FGF14: variants seen among roughly 807,000 people sequenced by gnomAD.
FGF14 encodes the protein fibroblast growth factor homologous factor 4.
In FGF14, 5 loss-of-function variants were observed where a neutral mutation model predicts 25.5. That is an observed-to-expected ratio of 0.20 (90% CI 0.10 to 0.41). FGF14 has a LOEUF of 0.41. Ranked by LOEUF, FGF14 falls within the 10% of genes least tolerant of loss-of-function variation. The pLI, the probability that FGF14 is intolerant of heterozygous loss-of-function variation, is 1.00. For synonymous variants in FGF14, 138 were observed against 118.3 expected (o/e 1.17, Z -1.08); for missense variants, 222 against 320.1 (o/e 0.69, Z 2.34).
intron 1 of FGF14, among the ~76,000 whole-genome samples, chr13:102,325,186 G>A (rs2056384307): frequency 6.6e-6 from 1 of 151,482 alleles, no homozygotes; most frequent in Non-Finnish European, 1.5e-5. Context: ...AGGCATAAAG[G>A]ATCCCAAAGG....
intron 3 of FGF14, among the ~76,000 whole-genome samples, chr13:101,742,423 T>C (rs1306790322): frequency 1.3e-5 from 2 of 152,194 alleles, no homozygotes; most frequent in Non-Finnish European, 2.9e-5. Flanking sequence ...TGGTTAACCC[T>C]AAGCATAGTG....
intron 3 of FGF14, among the ~76,000 whole-genome samples, chr13:101,780,697 C>A (rs2039435764): frequency 6.6e-6 from 1 of 152,004 alleles, no homozygotes; most frequent in Non-Finnish European, 1.5e-5. Context: ...ACCTTTAAAA[C>A]TGATTTTTCC....
At chr13:101,988,384 C>T (rs1353774028) in intron 1 of FGF14, among the ~76,000 whole-genome samples, 2 of 151,964 alleles carry the variant, frequency 1.3e-5, no homozygotes, top group East Asian at 1.9e-4. Context: ...CACTATGTTC[C>T]GATCTATTCA....
chr13:102,070,646 GATGA>G (rs557753991), intron 1 of FGF14, among the ~76,000 whole-genome samples: 17 of 152,294 alleles, frequency 1.1e-4, no homozygotes, highest in East Asian at 9.6e-4. Flanking sequence ...TCCATCATCA[GATGA>G]ATGAAGAAAA....
At chr13:102,237,684 C>A (rs1251131310) in intron 1 of FGF14, among the ~76,000 whole-genome samples, 1 of 151,554 alleles carries the variant, frequency 6.6e-6, no homozygotes, top group African/African-American at 2.4e-5. Flanking sequence ...AAATTAAATA[C>A]ATTTCTAAAA....
chr13:102,361,153 T>G (rs970659372), intron 1 of FGF14, among the ~76,000 whole-genome samples: 1 of 152,196 alleles, frequency 6.6e-6, no homozygotes, highest in African/African-American at 2.4e-5. Flanking sequence ...TGCTCTTTTT[T>G]GAGCATCTCA....
chr13:101,769,090 A>G (rs1377435187), intron 3 of FGF14, among the ~76,000 whole-genome samples: 1 of 152,184 alleles, frequency 6.6e-6, no homozygotes, highest in Non-Finnish European at 1.5e-5. Flanking sequence ...ATATACAAAT[A>G]TCTCTTAAAG....
At chr13:102,162,580 A>G (rs775053801) in intron 1 of FGF14, among the ~76,000 whole-genome samples, 1 of 152,228 alleles carries the variant, frequency 6.6e-6, no homozygotes, top group Admixed American at 6.5e-5. Flanking sequence ...TAATATTACT[A>G]CTATCATATG....
chr13:101,938,316 C>T (rs2493590), intron 1 of FGF14, among the ~76,000 whole-genome samples: 50,242 of 152,192 alleles, frequency 0.33, 11,873 homozygotes, highest in African/African-American at 0.65. Flanking sequence ...AGAGGGCTGT[C>T]TGTCATGTGT....
intron 1 of FGF14, among the ~76,000 whole-genome samples, chr13:102,388,457 A>T (rs961782129): frequency 2.0e-5 from 3 of 152,210 alleles, no homozygotes; most frequent in Non-Finnish European, 4.4e-5. Flanking sequence ...CCAAAAGTCG[A>T]TGGAGGCCAC....
intron 1 of FGF14, among the ~76,000 whole-genome samples, chr13:102,382,900 T>C (rs1211773980): frequency 6.6e-6 from 1 of 152,038 alleles, no homozygotes; most frequent in Non-Finnish European, 1.5e-5. Context: ...AATAAGCAAA[T>C]TCATAAGACA....
chr13:102,004,028 G>C (rs2039649298), intron 1 of FGF14, among the ~76,000 whole-genome samples: 1 of 152,122 alleles, frequency 6.6e-6, no homozygotes, highest in Non-Finnish European at 1.5e-5. Context: ...CCCACTGACA[G>C]GAAAGTTGCC....
intron 1 of FGF14, among the ~76,000 whole-genome samples, chr13:102,390,755 CA>C (rs1049127929): frequency 6.6e-6 from 1 of 152,078 alleles, no homozygotes; most frequent in African/African-American, 2.4e-5. Context: ...CTAATAATAA[CA>C]CAGGATTCAA....
chr13:102,354,833 C>G (rs559796880), intron 1 of FGF14, among the ~76,000 whole-genome samples: 2 of 152,298 alleles, frequency 1.3e-5, no homozygotes, highest in South Asian at 4.1e-4. Flanking sequence ...TTCTTATTCT[C>G]TCTTTGGAGA....
chr13:101,786,260 C>A (rs1467708972), intron 3 of FGF14, among the ~76,000 whole-genome samples: 1 of 152,094 alleles, frequency 6.6e-6, no homozygotes, highest in East Asian at 1.9e-4. Flanking sequence ...TTGTTTTCTC[C>A]CATTTCTCTG....
intron 1 of FGF14, among the ~76,000 whole-genome samples, chr13:102,224,949 T>A (rs879408381): frequency 2.0e-5 from 3 of 152,058 alleles, no homozygotes; most frequent in Non-Finnish European, 4.4e-5. Context: ...TTCACAGAAA[T>A]GTTCTAAATA....
rs2034554584 is a variant in FGF14, at chr13:101,713,149, G to A, written c.*9682C>T. On this transcript the variant is annotated 3_prime_UTR_variant, in exon 5 of 5. Coordinates refer to ENST00000376143, the MANE Select transcript of FGF14 (RefSeq NM_004115.4). ...TGGCAAACATTTAATTTGGACTTTGGGGATTTTTGCAGCTGAAATGCATAT... is the reference window on the plus strand; with the variant it reads ...TGGCAAACATTTAATTTGGACTTTGAGGATTTTTGCAGCTGAAATGCATAT... 1 of 152,140 alleles carries A rather than the reference G, an allele frequency of 6.6e-6. No homozygotes were observed. Among genetic ancestry groups the A allele is most frequent in the Non-Finnish European group, 1.5e-5 (1 of 68,016 alleles). The allele number at this position is 152,140 out of a possible 1,614,324, so 9.4% of individuals were successfully genotyped here.
intron 3 of FGF14, among the ~76,000 whole-genome samples, chr13:101,754,883 C>T (rs1318004503): frequency 2.6e-5 from 4 of 151,758 alleles, no homozygotes; most frequent in African/African-American, 7.3e-5. Context: ...AAAATCAGTT[C>T]TCGGTTCTCA....
At chr13:101,767,171 A>T (rs938074701) in intron 3 of FGF14, among the ~76,000 whole-genome samples, 2 of 152,188 alleles carry the variant, frequency 1.3e-5, no homozygotes, top group African/African-American at 4.8e-5. Context: ...CTAGCCACGT[A>T]TGTGATGATG....
Sources: allele counts gnomAD v4.1 joint callset (sites outside exome capture counted in the v4.1 genomes callset), GRCh38; gene constraint gnomAD v4.1.1; transcripts MANE v1.5; gene names NCBI Gene and HGNC (gene_info 2026-07-23, HGNC 2026-07-21).